Variants in GALNT10 observed in about 807,000 individuals in gnomAD.
The protein encoded by GALNT10 is polypeptide N-acetylgalactosaminyltransferase 10.
GALNT10 carries 41 observed loss-of-function variants against 75.0 expected under a neutral mutation model. That is an observed-to-expected ratio of 0.55 (90% CI 0.43 to 0.71). The LOEUF (loss-of-function observed/expected upper bound fraction) is 0.71. Ranked by LOEUF, GALNT10 falls within the 30% of genes least tolerant of loss-of-function variation. The probability of loss-of-function intolerance (pLI) is 0.00; values close to 1 mark genes in which losing one functional copy is unlikely to be tolerated. For synonymous variants in GALNT10, 302 were observed against 313.0 expected, an observed-to-expected ratio of 0.96 and a Z score of 0.37; for missense variants, 727 against 818.5, an observed-to-expected ratio of 0.89 and a Z score of 1.36.
rs748741255 is a variant in GALNT10 at position 154,409,517 on chromosome 5, C to T, written c.1165-24C>T. On this transcript the variant is annotated intron_variant, in intron 8 of 11. Transcript: ENST00000297107. The surrounding 1 kb of genome is among the most constrained non-coding windows in gnomAD (Gnocchi z 4.5). ...CTTTGGCTTCTTGGAAAGACTGACC[C>T]CTCCATTGCTTCTTGCCCCATAGAA... 6 of 1,489,722 alleles carry T rather than the reference C, an allele frequency of 4.0e-6. No individual in the cohort carries two copies. The highest frequency in any genetic ancestry group is 3.3e-5 in the Admixed American group (2 of 59,866). 92.3% of individuals were successfully genotyped at this position (1,489,722 alleles called of 1,614,324 possible).
At chr5:154,293,625 C>CTTTTTTTTTTTTTTTTTTTTTTT (rs1320287927) in intron 1 of GALNT10, among the ~76,000 whole-genome samples, 8 of 128,166 alleles carry the variant, frequency 6.2e-5, no homozygotes, top group Admixed American at 7.6e-5. Context: ...TTTTTTTTTC[C>CTTTTTTTTTTTTTTTTTTTTTTT]TTTCAGCCAT....
intron 1 of GALNT10, among the ~76,000 whole-genome samples, chr5:154,254,870 T>A (rs1402982889): frequency 6.6e-6 from 1 of 152,198 alleles, no homozygotes; most frequent in Non-Finnish European, 1.5e-5. Context: ...AGCTCAATAA[T>A]GTCATCAGGG....
rs139970230 is a variant in GALNT10 at position 154,281,623 on chromosome 5, G to T, written c.160-13193G>T. Among the ~76,000 whole-genome samples, 10 of 152,260 alleles carry T rather than the reference G, an allele frequency of 6.6e-5. No homozygotes were observed. The Middle Eastern group carries it at 0.014, about 207-fold the overall frequency. On this transcript the variant is annotated intron_variant, in intron 1 of 11. Transcript: ENST00000297107. ...TGTGTCTTTTGGGTCCTCCTTCAAGGACCTCTCCACACCCTAACCTAAGCT... is the reference window on the plus strand; with the variant it reads ...TGTGTCTTTTGGGTCCTCCTTCAAGTACCTCTCCACACCCTAACCTAAGCT...
intron 7 of GALNT10, among the ~76,000 whole-genome samples, chr5:154,398,017 A>G (rs1561682686): frequency 6.6e-6 from 1 of 152,248 alleles, no homozygotes; most frequent in Non-Finnish European, 1.5e-5. Context: ...CTGTCATCAC[A>G]CAAAAGAAGT....
chr5:154,201,309 A>C (rs1277617992), intron 1 of GALNT10, among the ~76,000 whole-genome samples: 1 of 152,230 alleles, frequency 6.6e-6, no homozygotes, highest in African/African-American at 2.4e-5. Flanking sequence ...AGATGCAAAA[A>C]CTGAGGTTCA....
chr5:154,400,344 T>G (rs1305378400), intron 7 of GALNT10, among the ~76,000 whole-genome samples: 1 of 151,982 alleles, frequency 6.6e-6, no homozygotes, highest in African/African-American at 2.4e-5. Flanking sequence ...GGTGCAGAGG[T>G]GATCACTGGC....
chr5:154,283,307 TGTG>T (rs933254978), intron 1 of GALNT10, among the ~76,000 whole-genome samples: 1 of 91,906 alleles, frequency 1.1e-5, no homozygotes, highest in Non-Finnish European at 2.2e-5. Context: ...AAAAGCCAGG[TGTG>T]GTGGTGCATG....
Position 154,412,426 on chromosome 5 carries a change from A to G in GALNT10, c.1387-463A>G, listed in dbSNP as rs1224858589. On this transcript the variant is annotated intron_variant, in intron 9 of 11. Transcript: ENST00000297107. This position sits in a 1 kb window ranked among gnomAD's most constrained non-coding sequence, Gnocchi z 4.2. ...AGGGGGCCTCCTGCCACCTCTTGCC[A>G]TTCACCTGTCCTAAGGGACAGAGAC... 6.2e-6 allele frequency: 1 copy of G among 162,052 alleles called. No individual in the cohort carries two copies. The highest frequency in any genetic ancestry group is 1.9e-4 in the East Asian group (1 of 5,312). The allele number at this position is 162,052 out of a possible 1,614,324, so 10.0% of individuals were successfully genotyped here. A position where few individuals can be genotyped will look rare whatever the true frequency, so the allele number is the denominator to read the frequency against.
At chr5:154,386,980 C>G (rs555966346) in intron 7 of GALNT10, 1 of 158,900 alleles carries the variant, frequency 6.3e-6, no homozygotes, top group Non-Finnish European at 1.4e-5. Flanking sequence ...ATCACCCCCC[C>G]GAGCTTTCTT....
intron 4 of GALNT10, among the ~76,000 whole-genome samples, chr5:154,346,201 G>A (rs1755122692): frequency 6.6e-6 from 1 of 151,746 alleles, no homozygotes; most frequent in African/African-American, 2.4e-5. Context: ...TTATTCATCT[G>A]TTGGTGGACA....
chr5:154,310,302 G>GCAT (rs2113094240), intron 3 of GALNT10, among the ~76,000 whole-genome samples: 1 of 152,278 alleles, frequency 6.6e-6, no homozygotes, highest in East Asian at 1.9e-4. Flanking sequence ...GAGTTCAAGA[G>GCAT]CAATGCAGCC....
rs1754201798 is a variant in GALNT10 at position 154,292,044 on chromosome 5, CA to C, written c.160-2769del. Among the ~76,000 whole-genome samples the C allele has an allele frequency of 2.6e-5, 4 of 152,252 alleles. No individual in the cohort carries two copies. The South Asian group carries it at 8.3e-4, about 32-fold the overall frequency. On this transcript the variant is annotated intron_variant, in intron 1 of 11. Coordinates refer to ENST00000297107, the MANE Select transcript of GALNT10 (RefSeq NM_198321.4). Reference sequence around the variant, plus strand: ...ATTTTCACACTAGAATTAAGAAAACCAAACCAAAACGAAAAGCACCTTGAAA... The same window carrying C: ...ATTTTCACACTAGAATTAAGAAAACCAACCAAAACGAAAAGCACCTTGAAA...
intron 4 of GALNT10, among the ~76,000 whole-genome samples, chr5:154,369,550 A>G (rs1370633166): frequency 6.6e-6 from 1 of 152,212 alleles, no homozygotes; most frequent in African/African-American, 2.4e-5. Context: ...ACACCGGAGT[A>G]TCAAAACAGG....
At chr5:154,217,602 A>T (rs754338954) in intron 1 of GALNT10, among the ~76,000 whole-genome samples, 4 of 152,174 alleles carry the variant, frequency 2.6e-5, no homozygotes, top group Non-Finnish European at 5.9e-5. Flanking sequence ...GATGAATTAA[A>T]ATCAATGAAA....
At chr5:154,243,627 A>G (rs1257154670) in intron 1 of GALNT10, among the ~76,000 whole-genome samples, 1 of 152,224 alleles carries the variant, frequency 6.6e-6, no homozygotes, top group East Asian at 1.9e-4. Context: ...AAGCAATAAT[A>G]GTTCTTTCTC....
Position 154,412,954 on chromosome 5 carries a change from G to C in GALNT10, c.1452G>C (p.Arg484Ser). 1 of 1,613,650 alleles carries C rather than the reference G, an allele frequency of 6.2e-7. No individual in the cohort carries two copies. Among genetic ancestry groups the C allele is most frequent in the Non-Finnish European group, 8.5e-7 (1 of 1,179,760 alleles). ...TKHGALGSPLRLEGCVRGRGE... is the reference protein window; with the variant it reads ...TKHGALGSPLSLEGCVRGRGE... ...ACGGGGCCTTGGGCTCCCCACTAAGGCTAGAGGGCTGCGTCCGAGGCCGTG... is the reference window on the plus strand; with the variant it reads ...ACGGGGCCTTGGGCTCCCCACTAAGCCTAGAGGGCTGCGTCCGAGGCCGTG... Residue 484 changes from arginine (R) to serine (S), a missense_variant, in exon 10 of 12, where the codon AGG becomes AGC. Arg to Ser is a moderately radical substitution (Grantham distance 110, BLOSUM62 -1). Transcript: ENST00000297107. The surrounding 1 kb of genome is among the most constrained non-coding windows in gnomAD (Gnocchi z 4.2).
chr5:154,335,697 A>C (rs1266820759), intron 4 of GALNT10, among the ~76,000 whole-genome samples: 1 of 152,190 alleles, frequency 6.6e-6, no homozygotes, highest in Non-Finnish European at 1.5e-5. Flanking sequence ...AGTAAAAAGT[A>C]GGTAGGTCCA....
At chr5:154,322,756 T>C (rs1658344064) in intron 3 of GALNT10, among the ~76,000 whole-genome samples, 1 of 152,156 alleles carries the variant, frequency 6.6e-6, no homozygotes, top group Non-Finnish European at 1.5e-5. Context: ...GTACAATTCC[T>C]GAGACTCCCC....
At chr5:154,333,402 A>T (rs908288861) in intron 4 of GALNT10, among the ~76,000 whole-genome samples, 1 of 152,194 alleles carries the variant, frequency 6.6e-6, no homozygotes, top group Non-Finnish European at 1.5e-5. Flanking sequence ...TTCCAAGGGC[A>T]CTTCTTAATA....
Sources: allele counts gnomAD v4.1 joint callset (sites outside exome capture counted in the v4.1 genomes callset), GRCh38; gene constraint gnomAD v4.1.1; non-coding constraint Gnocchi (gnomAD v3.1); transcripts MANE v1.5; gene names NCBI Gene and HGNC (gene_info 2026-07-23, HGNC 2026-07-21).